DOCK8: variants seen among roughly 807,000 people sequenced by gnomAD.
DOCK8 encodes dedicator of cytokinesis protein 8.
Under a neutral mutation model 245.6 loss-of-function variants are expected in DOCK8, and 141 were observed. The ratio of observed to expected loss-of-function variants is 0.57; its 90% confidence interval spans 0.50 to 0.66. The LOEUF is 0.66. DOCK8 is among the 30% of genes least tolerant of loss of function. DOCK8 has a pLI of 0.00. For missense variants in DOCK8, 2,965 were observed against 2,603.4 expected (o/e 1.14, Z -3.02); for synonymous variants, 1,168 against 970.2 (o/e 1.20, Z -3.79).
At chr9:428,619 T>C (rs2056589517) in intron 35 of DOCK8, 123 bp downstream of exon 35, 4 of 1,239,558 alleles carry the variant, frequency 3.2e-6, no homozygotes, top group Non-Finnish European at 3.4e-6. Context: ...ACAGTAAAGG[T>C]CTTAAGTCTT....
chr9:266,970 C>T (rs1055466087), intron 1 of DOCK8, among the ~76,000 whole-genome samples: 1 of 152,128 alleles, frequency 6.6e-6, no homozygotes, highest in African/African-American at 2.4e-5. Flanking sequence ...TGCATGGAAA[C>T]GGAACCTGTG....
At chr9:382,281 C>T (rs920668413) in intron 21 of DOCK8, among the ~76,000 whole-genome samples, 10 of 152,166 alleles carry the variant, frequency 6.6e-5, no homozygotes, top group Non-Finnish European at 1.5e-4. Context: ...TTGTAAGAGG[C>T]ATGTGTTGGC....
intron 46 of DOCK8, chr9:456,857 T>C (rs1043567662): frequency 2.6e-5 from 4 of 152,226 alleles, no homozygotes; most frequent in Non-Finnish European, 5.9e-5. Context: ...CTCATTCTTA[T>C]AAAGACTAAG....
At position 433,729 on chromosome 9, in the gene DOCK8, C is replaced by G. The variant is rs1379059623; in HGVS notation, c.4786-146C>G. 4 of 703,274 alleles carry G rather than the reference C, an allele frequency of 5.7e-6. No homozygotes were observed. In the Admixed American group the frequency reaches 6.1e-5, roughly 11 times the overall value. The allele number at this position is 703,274 out of a possible 1,614,324, so 43.6% of individuals were successfully genotyped here. A position where few individuals can be genotyped will look rare whatever the true frequency, so the allele number is the denominator to read the frequency against. ...CTGGCGAAGATGAAAACTACAGAGT[C>G]AGGTCTAGATGACTCCGCCATCCCT... is the stretch of plus-strand genomic sequence containing the variant. On this transcript the variant is annotated intron_variant, in intron 37 of 47. Coordinates refer to ENST00000432829, the MANE Select transcript of DOCK8 (RefSeq NM_203447.4).
Position 441,869 on chromosome 9 carries a change from C to T in DOCK8, c.5356-6C>T. On this transcript the variant is annotated splice_polypyrimidine_tract_variant and splice_region_variant and intron_variant, in intron 41 of 47. Coordinates refer to ENST00000432829, the MANE Select transcript of DOCK8 (RefSeq NM_203447.4). The stretch of plus-strand genomic sequence containing the variant: ...TAAGGAGAGCTTTTTATATTTTGTT[C>T]CTCAGGATCATAAGAGAATGTTTGG... 1 of 1,614,064 alleles carries T rather than the reference C, an allele frequency of 6.2e-7. No individual in the cohort carries two copies.
At chr9:349,432 T>G (rs1431386729) in intron 14 of DOCK8, among the ~76,000 whole-genome samples, 3 of 152,212 alleles carry the variant, frequency 2.0e-5, no homozygotes. Flanking sequence ...AAGGATAAAA[T>G]TAGAGGAGCT....
At chr9:274,440 A>G (rs969506084) in intron 2 of DOCK8, among the ~76,000 whole-genome samples, 1 of 149,664 alleles carries the variant, frequency 6.7e-6, no homozygotes, top group Non-Finnish European at 1.5e-5. Context: ...GAACGGAGGC[A>G]TGTGGAAGCC....
intron 1 of DOCK8, among the ~76,000 whole-genome samples, chr9:226,446 A>C (rs554659210): frequency 6.6e-6 from 1 of 152,288 alleles, no homozygotes; most frequent in African/African-American, 2.4e-5. Flanking sequence ...TTTTGTGTTT[A>C]AAAGATCTAT....
intron 15 of DOCK8, chr9:368,359 A>G (rs2053113623): frequency 1.4e-6 from 1 of 712,218 alleles, no homozygotes; most frequent in South Asian, 1.5e-5. Context: ...TGGAACATAC[A>G]GATCATTTTA....
chr9:387,961 C>A (rs904901505), intron 23 of DOCK8, among the ~76,000 whole-genome samples: 4 of 152,168 alleles, frequency 2.6e-5, no homozygotes, highest in Non-Finnish European at 4.4e-5. Flanking sequence ...TTCCTTAATA[C>A]CTTAGCAGAC....
chr9:237,615 A>G (rs989770605), intron 1 of DOCK8, among the ~76,000 whole-genome samples: 3 of 152,198 alleles, frequency 2.0e-5, no homozygotes, highest in African/African-American at 7.2e-5. Context: ...TGATTGTACC[A>G]CTGCACTCCA....
intron 17 of DOCK8, 63 bp downstream of exon 17, chr9:371,629 A>G (rs2053289683): frequency 5.0e-6 from 8 of 1,606,580 alleles, no homozygotes; most frequent in Non-Finnish European, 6.8e-6. Flanking sequence ...GTCCCTGCAG[A>G]GATAAACAAC....
chr9:279,352 C>A (rs1355864242), intron 2 of DOCK8, among the ~76,000 whole-genome samples: 1 of 152,130 alleles, frequency 6.6e-6, no homozygotes, highest in African/African-American at 2.4e-5. Context: ...GTTGAGGCTG[C>A]AGATATAAAC....
At chr9:259,791 G>A (rs2047871747) in intron 1 of DOCK8, among the ~76,000 whole-genome samples, 1 of 152,222 alleles carries the variant, frequency 6.6e-6, no homozygotes, top group Admixed American at 6.5e-5. Context: ...TCCACAAATT[G>A]TTTGGTGGTC....
Position 405,007 on chromosome 9 carries a change from T to C in DOCK8, c.3324T>C (p.Asn1108=). The change falls in exon 27 of 48, where the codon AAT becomes AAC. Residue 1108 remains asparagine, a synonymous_variant. Coordinates refer to ENST00000432829, the MANE Select transcript of DOCK8 (RefSeq NM_203447.4). The stretch of plus-strand genomic sequence containing the variant: ...TCTGTAGCCATGAGCATTACCTCAA[T>C]CTGAACCTTTTTTTTATGAATGCTG... ...RILCSHEHYL[N]LNLFFMNADT... 1 of 1,614,040 alleles carries C rather than the reference T, an allele frequency of 6.2e-7. No individual in the cohort carries two copies. Among genetic ancestry groups the C allele is most frequent in the Non-Finnish European group, 8.5e-7 (1 of 1,179,958 alleles).
rs2055463652 is a variant in DOCK8, at chr9:407,059, G to A, written c.3520G>A (p.Glu1174Lys). The A allele has an allele frequency of 3.1e-6, 5 of 1,614,076 alleles. No homozygotes were observed. Among genetic ancestry groups the A allele is most frequent in the Non-Finnish European group, 3.4e-6 (4 of 1,179,992 alleles). ...AGAACTGGCTGCTGCCCTGGATGCC[G>A]AAGGGGAAGGGTATGTTTCTGGCAT... ...FTELAAALDAEGEGISKVQRK... is the reference protein window; with the variant it reads ...FTELAAALDAKGEGISKVQRK... Residue 1174 changes from glutamate to lysine, a missense_variant, in exon 28 of 48, where the codon GAA becomes AAA. This residue lies in a region of DOCK8 where 2,825 missense variants were observed against 2,453.5 expected (regional missense o/e 1.15). Transcript: ENST00000432829.
At chr9:460,600 C>T (rs2057773636) in intron 46 of DOCK8, 1 of 152,206 alleles carries the variant, frequency 6.6e-6, no homozygotes, top group African/African-American at 2.4e-5. Flanking sequence ...CTTAGCTATC[C>T]TATAATTTGC....
chr9:214,607 G>A (rs547242681), upstream of DOCK8: 28 of 1,613,894 alleles, frequency 1.7e-5, no homozygotes, highest in South Asian at 2.7e-4. Flanking sequence ...GGCAGATGGA[G>A]CTTCCGGCCT....
chr9:425,493 CTG>C (rs1554703328), intron 33 of DOCK8, among the ~76,000 whole-genome samples: 4,329 of 143,660 alleles, frequency 0.03, 213 homozygotes, highest in African/African-American at 0.11. Context: ...GATTGCGCCA[CTG>C]CACTCTGCAC....
Sources: allele counts gnomAD v4.1 joint callset (sites outside exome capture counted in the v4.1 genomes callset), GRCh38; gene constraint gnomAD v4.1.1; regional missense constraint gnomAD v4.1.1; transcripts MANE v1.5; gene names NCBI Gene and HGNC (gene_info 2026-07-23, HGNC 2026-07-21).